The following CCDC93 variants were observed in gnomAD, a reference collection of about 807,000 sequenced individuals.
The protein encoded by CCDC93 is coiled-coil domain-containing protein 93.
Under a neutral mutation model 108.2 loss-of-function variants are expected in CCDC93, and 61 were observed. The ratio of observed to expected loss-of-function variants is 0.56; its 90% CI spans 0.46 to 0.70. CCDC93 has a LOEUF of 0.70. CCDC93 is among the 30% of genes least tolerant of loss of function. CCDC93 has a pLI of 0.00. For synonymous variants in CCDC93, 276 were observed against 260.4 expected, an observed-to-expected ratio of 1.06 and a Z score of -0.58; for missense variants, 685 against 764.2, an observed-to-expected ratio of 0.90 and a Z score of 1.22.
chr2:117,969,471 G>A (rs1405812896), intron 11 of CCDC93, among the ~76,000 whole-genome samples: 1 of 152,202 alleles, frequency 6.6e-6, no homozygotes, highest in Non-Finnish European at 1.5e-5. Context: ...ATAAATGTGT[G>A]TTATTTTAAG....
chr2:118,004,283 C>T (rs1278353423), intron 3 of CCDC93, among the ~76,000 whole-genome samples: 1 of 152,214 alleles, frequency 6.6e-6, no homozygotes, highest in African/African-American at 2.4e-5. Flanking sequence ...GAAATGAACT[C>T]AGTTATAAAT....
intron 23 of CCDC93, among the ~76,000 whole-genome samples, chr2:117,922,866 G>C (rs1280936993): frequency 1.3e-5 from 2 of 152,170 alleles, no homozygotes; most frequent in Non-Finnish European, 2.9e-5. Context: ...AGAGGCTGTG[G>C]AGTAGCAAGC....
intron 1 of CCDC93, among the ~76,000 whole-genome samples, chr2:118,010,044 C>T (rs575925868): frequency 1.2e-3 from 185 of 152,202 alleles, no homozygotes; most frequent in Non-Finnish European, 2.2e-3. Flanking sequence ...TAGGTTCAAG[C>T]GATTCTCCTG....
chr2:117,954,042 C>A (rs967632198), intron 12 of CCDC93, among the ~76,000 whole-genome samples: 29 of 152,144 alleles, frequency 1.9e-4, no homozygotes, highest in African/African-American at 7.0e-4. Flanking sequence ...GAACTGTAAG[C>A]AACAAATTAC....
chr2:117,928,394 T>C (rs1414806007), intron 23 of CCDC93, among the ~76,000 whole-genome samples: 3 of 151,876 alleles, frequency 2.0e-5, no homozygotes, highest in African/African-American at 7.3e-5. Context: ...GAATCTACAA[T>C]GAACTCAAAA....
chr2:117,952,004 A>C lies in CCDC93; in HGVS notation c.1068+369T>G, dbSNP rs143907744. Among the ~76,000 whole-genome samples, 465 of 152,192 alleles carry C rather than the reference A, an allele frequency of 3.1e-3. 1 individual carries two copies. The highest frequency in any genetic ancestry group is 0.01 in the African/African-American group (435 of 41,526). On this transcript the variant is annotated intron_variant, in intron 13 of 23. Transcript: ENST00000376300. ...TCACTCTCAAGGAATTCAGGATCTT[A>C]GAGTTACTATACAAGCTGCTGTTTG... is the stretch of plus-strand genomic sequence containing the variant.
chr2:117,935,538 T>C lies in CCDC93; in HGVS notation c.1685A>G (p.Gln562Arg), dbSNP rs1168545543. 16 of 1,614,076 alleles carry C rather than the reference T, an allele frequency of 9.9e-6. No homozygotes were observed. Among genetic ancestry groups the C allele is most frequent in the Non-Finnish European group, 1.4e-5 (16 of 1,179,934 alleles). The part of the protein sequence containing the change: ...SPAARDQFLR[Q>R]MEQIVEGIKQ... ...AATTCCTTCCACAATCTGTTCCATC[T>C]GACGTAAAAACTGGTCCCGGGCAGC... Residue 562 changes from glutamine (Q) to arginine (R), a missense_variant, in exon 22 of 24, where the codon CAG (glutamine) becomes CGG (arginine). By Grantham distance (43) the Gln-to-Arg change is conservative. Coordinates refer to ENST00000376300, the MANE Select transcript of CCDC93 (RefSeq NM_019044.5).
At chr2:117,920,787 C>A (rs992222305) in intron 23 of CCDC93, among the ~76,000 whole-genome samples, 1 of 152,086 alleles carries the variant, frequency 6.6e-6, no homozygotes, top group Non-Finnish European at 1.5e-5. Context: ...TAAAAGGGAG[C>A]CCTAGTTTAC....
rs75018586 is a variant in CCDC93 at position 117,965,045 on chromosome 2, G to A, written c.889-6564C>T. Among the ~76,000 whole-genome samples the A allele has an allele frequency of 3.4e-3, 518 of 152,268 alleles. 2 individuals are homozygous for A. Among genetic ancestry groups the A allele is most frequent in the African/African-American group, 0.012 (490 of 41,558 alleles). Reference sequence around the variant, plus strand: ...ATATTGGCCCTCTAAAACTTCAGAGGTTAGGAATATGATTTATGCAACACC... The same window carrying A: ...ATATTGGCCCTCTAAAACTTCAGAGATTAGGAATATGATTTATGCAACACC... On this transcript the variant is annotated intron_variant, in intron 11 of 23. Coordinates refer to ENST00000376300, the MANE Select transcript of CCDC93 (RefSeq NM_019044.5).
chr2:117,954,056 G>A (rs1033221522), intron 12 of CCDC93, among the ~76,000 whole-genome samples: 1 of 152,124 alleles, frequency 6.6e-6, no homozygotes, highest in African/African-American at 2.4e-5. Context: ...AAATTACCAC[G>A]TCTAAGGTAT....
At chr2:117,974,071 A>G in intron 10 of CCDC93, 77 bp from the exon 11 acceptor site, 1 of 890,330 alleles carries the variant, frequency 1.1e-6, no homozygotes, top group Admixed American at 2.0e-5. Flanking sequence ...ACACTCTATT[A>G]TGTCTGAACA....
chr2:117,926,510 A>G (rs1678107990), intron 23 of CCDC93, among the ~76,000 whole-genome samples: 1 of 152,264 alleles, frequency 6.6e-6, no homozygotes, highest in Non-Finnish European at 1.5e-5. Context: ...AATAAACTAG[A>G]AAATCTAGAA....
chr2:117,935,509 G>C lies in CCDC93; in HGVS notation c.1714C>G (p.Gln572Glu). Residue 572 changes from glutamine (Q) to glutamate (E), a missense_variant, in exon 22 of 24, where the codon CAA (glutamine) becomes GAA (glutamate). By Grantham distance (29) the Gln-to-Glu change is conservative. Coordinates refer to ENST00000376300, the MANE Select transcript of CCDC93 (RefSeq NM_019044.5). Reference protein sequence around the residue: ...QMEQIVEGIKQSRMKMEKKKQ... With the variant: ...QMEQIVEGIKESRMKMEKKKQ... ...AGCCATCTGACCTTCATTCTACTTT[G>C]CTTAATTCCTTCCACAATCTGTTCC... 1 of 1,613,024 alleles carries C rather than the reference G, an allele frequency of 6.2e-7. No homozygotes were observed. Among genetic ancestry groups the C allele is most frequent in the Non-Finnish European group, 8.5e-7 (1 of 1,179,124 alleles).
chr2:118,001,530 C>T lies in CCDC93; in HGVS notation c.252-598G>A, dbSNP rs147870434. On this transcript the variant is annotated intron_variant, in intron 3 of 23. Coordinates refer to ENST00000376300, the MANE Select transcript of CCDC93 (RefSeq NM_019044.5). Reference sequence around the variant, plus strand: ...TTCTAGAGTTGAAGGAACTGTATATCCTCACTCTCATTTCCATACAGAAGA... The same window carrying T: ...TTCTAGAGTTGAAGGAACTGTATATTCTCACTCTCATTTCCATACAGAAGA... 7.3e-3 allele frequency among the ~76,000 whole-genome samples: 1,105 copies of T among 151,352 alleles called. 7 individuals are homozygous for T. Among genetic ancestry groups the T allele is most frequent in the Non-Finnish European group, 0.011 (742 of 67,820 alleles).
chr2:117,973,472 C>T (rs1227899394), intron 11 of CCDC93, among the ~76,000 whole-genome samples: 1 of 149,730 alleles, frequency 6.7e-6, no homozygotes, highest in African/African-American at 2.5e-5. Context: ...TCATTCTATA[C>T]TCTTTTAATA....
At chr2:117,928,299 T>G (rs564245293) in intron 23 of CCDC93, among the ~76,000 whole-genome samples, 111 of 151,968 alleles carry the variant, frequency 7.3e-4, no homozygotes, top group Middle Eastern at 6.8e-3. Flanking sequence ...CACAGCAAAA[T>G]AAACTACCAT....
At chr2:117,957,301 A>G (rs148982247) in intron 12 of CCDC93, among the ~76,000 whole-genome samples, 11 of 152,324 alleles carry the variant, frequency 7.2e-5, no homozygotes, top group African/African-American at 2.6e-4. Context: ...GCTGAGTCAA[A>G]CTTCCCAGCT....
rs375407807 is a variant in CCDC93, at chr2:117,973,479, A to C, written c.888+429T>G. ...GCTTTCCTTCATTCTATACTCTTTT[A>C]ATAAAGTAGAACAAAAAATTCTGCC... On this transcript the variant is annotated intron_variant, in intron 11 of 23. Coordinates refer to ENST00000376300, the MANE Select transcript of CCDC93 (RefSeq NM_019044.5). 1.2e-4 allele frequency among the ~76,000 whole-genome samples: 18 copies of C among 150,386 alleles called. 1 individual carries two copies. In the South Asian group the frequency reaches 3.6e-3, roughly 30 times the overall value.
chr2:117,927,353 T>G (rs1455879943), intron 23 of CCDC93, among the ~76,000 whole-genome samples: 10 of 152,192 alleles, frequency 6.6e-5, no homozygotes, highest in Non-Finnish European at 1.2e-4. Context: ...GATGACATGA[T>G]TGTATATCTA....
Sources: allele counts gnomAD v4.1 joint callset (sites outside exome capture counted in the v4.1 genomes callset), GRCh38; gene constraint gnomAD v4.1.1; transcripts MANE v1.5; gene names NCBI Gene and HGNC (gene_info 2026-07-23, HGNC 2026-07-21).